The following EPB41L2 variants were observed in gnomAD, a reference collection of about 807,000 sequenced individuals.
EPB41L2 encodes the protein erythrocyte membrane protein band 4.1 like 2.
EPB41L2 carries 43 observed loss-of-function variants against 113.0 expected under a neutral mutation model. The ratio of observed to expected loss-of-function variants is 0.38; its 90% CI spans 0.30 to 0.49. The LOEUF (loss-of-function observed/expected upper bound fraction) is 0.49, where lower values mean the gene tolerates loss of function less well. Among genes scored for constraint, EPB41L2 ranks in the 20% least tolerant of loss-of-function variants. The probability of loss-of-function intolerance (pLI) is 0.95; values close to 1 mark genes in which losing one functional copy is unlikely to be tolerated. For synonymous variants in EPB41L2, 442 were observed against 436.7 expected, an observed-to-expected ratio of 1.01 and a Z score of -0.15; for missense variants, 1,147 against 1,223.4, an observed-to-expected ratio of 0.94 and a Z score of 0.93.
At chr6:131,004,800 C>T (rs1785098561) in intron 1 of EPB41L2, among the ~76,000 whole-genome samples, 3 of 152,178 alleles carry the variant, frequency 2.0e-5, no homozygotes. Flanking sequence ...CACTACACAA[C>T]TCCCTGGTCA....
intron 1 of EPB41L2, among the ~76,000 whole-genome samples, chr6:130,958,184 G>A (rs2128626954): frequency 6.6e-6 from 1 of 152,268 alleles, no homozygotes; most frequent in African/African-American, 2.4e-5. Flanking sequence ...AGGTGCAGTG[G>A]CTCATGCCTG....
chr6:131,048,095 G>A (rs1448646567), intron 1 of EPB41L2, among the ~76,000 whole-genome samples: 3 of 131,330 alleles, frequency 2.3e-5, no homozygotes, highest in Admixed American at 8.6e-5. Flanking sequence ...CCGAGATCGC[G>A]CCACTGTACC....
chr6:131,010,414 A>T (rs919625350), intron 1 of EPB41L2, among the ~76,000 whole-genome samples: 10 of 142,968 alleles, frequency 7.0e-5, no homozygotes, highest in East Asian at 2.1e-4. Context: ...GAATTAATTA[A>T]TTTTTTTTTT....
chr6:130,890,185 T>C (rs1792324121), intron 11 of EPB41L2, 109 bp downstream of exon 11: 2 of 1,128,986 alleles, frequency 1.8e-6, no homozygotes, highest in Middle Eastern at 3.1e-4. Context: ...AAAAAATGGC[T>C]ATCCCTGTAG....
At chr6:130,884,718 T>C (rs911385087) in intron 12 of EPB41L2, among the ~76,000 whole-genome samples, 2 of 152,218 alleles carry the variant, frequency 1.3e-5, no homozygotes, top group Non-Finnish European at 2.9e-5. Flanking sequence ...TTATCTTTGG[T>C]GATGTAAAAA....
At chr6:131,009,409 G>C (rs1786385928) in intron 1 of EPB41L2, among the ~76,000 whole-genome samples, 1 of 152,062 alleles carries the variant, frequency 6.6e-6, no homozygotes, top group African/African-American at 2.4e-5. Flanking sequence ...AGCAGCATGA[G>C]AACAGACTAA....
chr6:130,884,336 GAAAAAATAA>G (rs1790242285), intron 12 of EPB41L2, among the ~76,000 whole-genome samples: 1 of 151,486 alleles, frequency 6.6e-6, no homozygotes, highest in Non-Finnish European at 1.5e-5. Context: ...ACTTCATCTC[GAAAAAATAA>G]AAAAAATAAA....
At chr6:130,853,672 T>C (rs1779402447) in intron 19 of EPB41L2, among the ~76,000 whole-genome samples, 3 of 152,184 alleles carry the variant, frequency 2.0e-5, no homozygotes, top group African/African-American at 7.2e-5. Flanking sequence ...GTTGTTCTTT[T>C]ACCATCTTTC....
chr6:131,049,510 A>G (rs1796128226), intron 1 of EPB41L2, among the ~76,000 whole-genome samples: 2 of 152,252 alleles, frequency 1.3e-5, no homozygotes. Context: ...CTTTTCTACC[A>G]GAGTGTAGAC....
intron 1 of EPB41L2, among the ~76,000 whole-genome samples, chr6:130,973,193 T>A (rs1024337843): frequency 2.6e-5 from 4 of 152,164 alleles, no homozygotes; most frequent in East Asian, 3.8e-4. Context: ...TTCACTTTTT[T>A]AAAAATTTTA....
chr6:130,979,095 T>C (rs997617834), intron 1 of EPB41L2, among the ~76,000 whole-genome samples: 2 of 152,146 alleles, frequency 1.3e-5, no homozygotes, highest in Non-Finnish European at 2.9e-5. Context: ...AGCTCAGATG[T>C]TTTTACTCTA....
chr6:130,980,339 G>A (rs1005184161), intron 1 of EPB41L2, among the ~76,000 whole-genome samples: 2 of 152,050 alleles, frequency 1.3e-5, no homozygotes, highest in South Asian at 2.1e-4. Flanking sequence ...GCAGTCTTTC[G>A]GTGGGAGAGA....
At chr6:130,843,057 C>T (rs1286918673) in intron 19 of EPB41L2, among the ~76,000 whole-genome samples, 1 of 152,172 alleles carries the variant, frequency 6.6e-6, no homozygotes, top group East Asian at 1.9e-4. Context: ...ATCCCAGTTC[C>T]TTATTGGCGT....
At position 130,886,621 on chromosome 6, in the gene EPB41L2, T is replaced by TTTGTTG. The variant is rs57191069; in HGVS notation, c.1661-1359_1661-1354dup. 7.4e-3 allele frequency among the ~76,000 whole-genome samples: 1,011 copies of TTTGTTG among 136,238 alleles called. 17 individuals carry two copies. The highest frequency in any genetic ancestry group is 0.024 in the African/African-American group (961 of 40,484). The allele number at this position is 136,238 out of a possible 152,430, so 89.4% of individuals were successfully genotyped here. A position where few individuals can be genotyped will look rare whatever the true frequency, so the allele number is the denominator to read the frequency against. On this transcript the variant is annotated intron_variant, in intron 11 of 19. Transcript: ENST00000337057. ...TAAGTATAGTTATTTTCCAGCGGTT[T>TTTGTTG]TTGTTGTTGTTGTTGTTGTTGTTTG...
intron 3 of EPB41L2, among the ~76,000 whole-genome samples, chr6:130,933,350 TAC>T (rs1399503710): frequency 1.1e-4 from 17 of 152,292 alleles, no homozygotes; most frequent in Admixed American, 5.2e-4. Flanking sequence ...ACTTGCCAAA[TAC>T]ACTTCAAAAA....
rs75493782 is a variant in EPB41L2 at position 130,890,479 on chromosome 6, A to G, written c.1488-13T>C. On this transcript the variant is annotated splice_polypyrimidine_tract_variant and intron_variant, in intron 10 of 19. Coordinates refer to ENST00000337057, the MANE Select transcript of EPB41L2 (RefSeq NM_001431.4). ...TGGAGAAACAAGCCTATGGGAGGAA[A>G]AAAAAAAAAAAAGAGAGAGAGAAAG... 30 of 1,009,190 alleles carry G rather than the reference A, an allele frequency of 3.0e-5. No homozygotes were observed. The South Asian group carries it at 5.5e-4, about 19-fold the overall frequency. 62.5% of individuals were successfully genotyped at this position (1,009,190 alleles called of 1,614,324 possible). A position where few individuals can be genotyped will look rare whatever the true frequency, so the allele number is the denominator to read the frequency against.
Position 130,901,174 on chromosome 6 carries a change from G to A in EPB41L2, c.936C>T (p.Phe312=), listed in dbSNP as rs1481811678. The A allele has an allele frequency of 6.2e-7, 1 of 1,613,160 alleles. No homozygotes were observed. The highest frequency in any genetic ancestry group is 8.5e-7 in the Non-Finnish European group (1 of 1,179,934). ...SQLTEDITRY[F]LCLQLRQDIA... is the part of the protein sequence containing the mutation. ...TGTCCTGCCGGAGCTGAAGGCACAA[G>A]AAGTATCTGTGAGGAGCAGAGGGAG... The change falls in exon 7 of 20, where the codon TTC becomes TTT. Residue 312 remains phenylalanine (F), a synonymous_variant. Coordinates refer to ENST00000337057, the MANE Select transcript of EPB41L2 (RefSeq NM_001431.4).
intron 1 of EPB41L2, among the ~76,000 whole-genome samples, chr6:131,010,731 T>G (rs1285696804): frequency 6.6e-6 from 1 of 152,172 alleles, no homozygotes; most frequent in Non-Finnish European, 1.5e-5. Flanking sequence ...ATCATCAATT[T>G]TTTAAAAACA....
intron 14 of EPB41L2, among the ~76,000 whole-genome samples, chr6:130,875,431 A>G (rs999200639): frequency 6.6e-6 from 1 of 152,138 alleles, no homozygotes; most frequent in African/African-American, 2.4e-5. Flanking sequence ...CCTAGGGTCT[A>G]ACCTCTTTGA....
Sources: allele counts gnomAD v4.1 joint callset (sites outside exome capture counted in the v4.1 genomes callset), GRCh38; gene constraint gnomAD v4.1.1; transcripts MANE v1.5; gene names NCBI Gene and HGNC (gene_info 2026-07-23, HGNC 2026-07-21).